The following KLHL28 variants were observed in gnomAD, a reference collection of about 807,000 sequenced individuals.
KLHL28 encodes the protein kelch like family member 28, also known as kelch-like protein 28.
A neutral mutation model predicts 48.3 loss-of-function variants in KLHL28; 22 were observed. The ratio of observed to expected loss-of-function variants is 0.46; its 90% CI spans 0.33 to 0.65. KLHL28 has a LOEUF of 0.65. Ranked by LOEUF, KLHL28 falls within the 30% of genes least tolerant of loss-of-function variation. KLHL28 has a pLI of 0.03. For missense variants in KLHL28, 527 were observed against 704.3 expected, an observed-to-expected ratio of 0.75 and a Z score of 2.85; for synonymous variants, 243 against 242.4, an observed-to-expected ratio of 1.00 and a Z score of -0.02.
chr14:44,954,096 T>G (rs1013702537), intron 1 of KLHL28, among the ~76,000 whole-genome samples: 4 of 152,120 alleles, frequency 2.6e-5, no homozygotes, highest in Non-Finnish European at 5.9e-5. Context: ...TCAAATAAAT[T>G]AATACATGGA....
rs2138568623 is a variant in KLHL28, at chr14:44,926,366, T to G, written c.*2662A>C. On this transcript the variant is annotated 3_prime_UTR_variant, in exon 5 of 5. Transcript: ENST00000396128. ...CATTTAGTCTTCATCAAGATGAAAT[T>G]TAGATTTTTCAAAAACAATGACCAG... 6.6e-6 allele frequency: 1 copy of G among 152,318 alleles called. No homozygotes were observed. The highest frequency in any genetic ancestry group is 1.9e-4 in the East Asian group (1 of 5,194). 9.4% of individuals were successfully genotyped at this position (152,318 alleles called of 1,614,324 possible).
intron 3 of KLHL28, among the ~76,000 whole-genome samples, chr14:44,932,705 T>C (rs752068518): frequency 8.6e-5 from 13 of 152,040 alleles, no homozygotes; most frequent in Non-Finnish European, 1.5e-4. Flanking sequence ...TGAAGAAGAG[T>C]TGATGCACTG....
chr14:44,934,631 A>G (rs1293911154), intron 2 of KLHL28, 73 bp from the exon 3 acceptor site: 20 of 1,142,400 alleles, frequency 1.8e-5, no homozygotes, highest in Non-Finnish European at 2.3e-5. Flanking sequence ...GTTTAATCTT[A>G]TTAGTAATCA....
intron 2 of KLHL28, among the ~76,000 whole-genome samples, chr14:44,940,015 T>C (rs1884002645): frequency 6.6e-6 from 1 of 152,214 alleles, no homozygotes; most frequent in Non-Finnish European, 1.5e-5. Context: ...TTTATTTGGC[T>C]TTCAGTTTTG....
rs1227149560 is a variant in KLHL28 at position 44,925,411 on chromosome 14, G to A, written c.*3617C>T. Reference sequence around the variant, plus strand: ...ATTATCCAATTCTAGGAGATTTGGAGTTCTATAAATATTAGGTTTTTTAAT... The same window carrying A: ...ATTATCCAATTCTAGGAGATTTGGAATTCTATAAATATTAGGTTTTTTAAT... On this transcript the variant is annotated 3_prime_UTR_variant, in exon 5 of 5. Coordinates refer to ENST00000396128, the MANE Select transcript of KLHL28 (RefSeq NM_017658.5). 2 of 152,046 alleles carry A rather than the reference G, an allele frequency of 1.3e-5. No individual in the cohort carries two copies. Among genetic ancestry groups the A allele is most frequent in the Non-Finnish European group, 2.9e-5 (2 of 67,940 alleles). 9.4% of individuals were successfully genotyped at this position (152,046 alleles called of 1,614,324 possible). A position where few individuals can be genotyped will look rare whatever the true frequency, so the allele number is the denominator to read the frequency against.
At chr14:44,941,520 C>G (rs1884083803) in intron 2 of KLHL28, among the ~76,000 whole-genome samples, 1 of 150,546 alleles carries the variant, frequency 6.6e-6, no homozygotes, top group Non-Finnish European at 1.5e-5. Context: ...CCCAGCTACT[C>G]GGGAGGCTGA....
intron 2 of KLHL28, among the ~76,000 whole-genome samples, chr14:44,944,760 A>G (rs931835813): frequency 2.0e-5 from 3 of 152,298 alleles, no homozygotes; most frequent in African/African-American, 7.2e-5. Context: ...AAAAGAAAGA[A>G]AGAGAGAAAA....
intron 4 of KLHL28, among the ~76,000 whole-genome samples, chr14:44,931,083 A>C (rs1883565839): frequency 6.6e-6 from 1 of 152,234 alleles, no homozygotes; most frequent in Non-Finnish European, 1.5e-5. Context: ...TAGTATAAGC[A>C]TTTCCCAAAA....
chr14:44,935,908 A>ATATATATATATATATATATATAT (rs1555337914), intron 2 of KLHL28, among the ~76,000 whole-genome samples: 1 of 132,670 alleles, frequency 7.5e-6, no homozygotes, highest in Non-Finnish European at 1.6e-5. Context: ...ATATATCTTT[A>ATATATATATATATATATATATAT]CCCTCCCCCC....
chr14:44,945,740 C>T lies in KLHL28; in HGVS notation c.189G>A (p.Met63Ile). 6.2e-7 allele frequency: 1 copy of T among 1,614,120 alleles called. No homozygotes were observed. Among genetic ancestry groups the T allele is most frequent in the East Asian group, 2.2e-5 (1 of 44,874 alleles). The change falls in exon 2 of 5, where the codon ATG (methionine) becomes ATA (isoleucine). Residue 63 changes from methionine (M) to isoleucine (I), a missense_variant. By Grantham distance (10) the Met-to-Ile change is conservative. Transcript: ENST00000396128. ...CTTTTTCAGAAAGGTTTCCAGTGAA[C>T]ATAGCTTTGAAATACGGGCTGACGC... ...LASVSPYFKA[M>I]FTGNLSEKEN...
intron 1 of KLHL28, among the ~76,000 whole-genome samples, chr14:44,949,871 A>G (rs764785667): frequency 2.6e-5 from 4 of 152,152 alleles, no homozygotes; most frequent in Non-Finnish European, 5.9e-5. Context: ...TAACAGAACT[A>G]TAATATACAG....
At chr14:44,955,403 G>A (rs2138666388) in intron 1 of KLHL28, among the ~76,000 whole-genome samples, 1 of 152,234 alleles carries the variant, frequency 6.6e-6, no homozygotes, top group Non-Finnish European at 1.5e-5. Context: ...GCATTCAGAT[G>A]TACTCTCTAA....
rs1256965909 is a variant in KLHL28 at position 44,924,883 on chromosome 14, A to AT, written c.*4144dup. On this transcript the variant is annotated 3_prime_UTR_variant, in exon 5 of 5. Transcript: ENST00000396128. ...TTCTCTCTGCAGAGATGTAAACTGG[A>AT]TTTTTATTTGACTCCATATTCACAC... is the stretch of plus-strand genomic sequence containing the variant. 6.6e-6 allele frequency: 1 copy of AT among 152,586 alleles called. No individual in the cohort carries two copies. Among genetic ancestry groups the AT allele is most frequent in the African/African-American group, 2.4e-5 (1 of 41,454 alleles). 9.5% of individuals were successfully genotyped at this position (152,586 alleles called of 1,614,324 possible). A position where few individuals can be genotyped will look rare whatever the true frequency, so the allele number is the denominator to read the frequency against.
intron 1 of KLHL28, among the ~76,000 whole-genome samples, chr14:44,959,109 G>A (rs1258943736): frequency 1.3e-5 from 2 of 151,682 alleles, no homozygotes; most frequent in East Asian, 1.9e-4. Flanking sequence ...ATAATCAAAT[G>A]ATATATAATA....
In KLHL28 at chr14:44,949,818, G is replaced by A. The variant is rs139700181; in HGVS notation, c.1-3890C>T. ...AACAGGTTTAGGGATTTTAATTGCA[G>A]TACTATTTTAACACCATAAACTTAT... On this transcript the variant is annotated intron_variant, in intron 1 of 4. Coordinates refer to ENST00000396128, the MANE Select transcript of KLHL28 (RefSeq NM_017658.5). 1.7e-3 allele frequency among the ~76,000 whole-genome samples: 252 copies of A among 152,236 alleles called. 1 individual carries two copies. Among genetic ancestry groups the A allele is most frequent in the Non-Finnish European group, 2.0e-3 (136 of 67,982 alleles).
chr14:44,928,755 T>A lies in KLHL28; in HGVS notation c.*273A>T, dbSNP rs762651162. The stretch of plus-strand genomic sequence containing the variant: ...CACTTATGAACATAAAACTAGTACA[T>A]CTCAGTCTTGGGGGAAAAAGTGCAG... On this transcript the variant is annotated 3_prime_UTR_variant, in exon 5 of 5. Transcript: ENST00000396128. 1.5e-4 allele frequency: 34 copies of A among 229,720 alleles called. No individual in the cohort carries two copies. The highest frequency in any genetic ancestry group is 2.4e-4 in the Non-Finnish European group (28 of 118,482). 14.2% of individuals were successfully genotyped at this position (229,720 alleles called of 1,614,324 possible).
chr14:44,928,057 C>T lies in KLHL28; in HGVS notation c.*971G>A, dbSNP rs935158977. ...GTCATGCATATCTCATACTGAACAT[C>T]CAAAAGGACATCAGTTATAGCCTTG... On this transcript the variant is annotated 3_prime_UTR_variant, in exon 5 of 5. Coordinates refer to ENST00000396128, the MANE Select transcript of KLHL28 (RefSeq NM_017658.5). The T allele has an allele frequency of 5.9e-5, 9 of 152,606 alleles. No individual in the cohort carries two copies. In the East Asian group the frequency reaches 1.5e-3, roughly 26 times the overall value. 9.5% of individuals were successfully genotyped at this position (152,606 alleles called of 1,614,324 possible). A position where few individuals can be genotyped will look rare whatever the true frequency, so the allele number is the denominator to read the frequency against.
chr14:44,940,661 G>C (rs921578189), intron 2 of KLHL28, among the ~76,000 whole-genome samples: 1 of 151,974 alleles, frequency 6.6e-6, no homozygotes, highest in Admixed American at 6.6e-5. Flanking sequence ...CAACCCCCCC[G>C]CCAGCCAGTA....
At position 44,928,797 on chromosome 14, in the gene KLHL28, T is replaced by A; in HGVS notation, c.*231A>T. 2 of 349,818 alleles carry A rather than the reference T, an allele frequency of 5.7e-6. No individual in the cohort carries two copies. Among genetic ancestry groups the A allele is most frequent in the South Asian group, 6.1e-5 (1 of 16,436 alleles). The allele number at this position is 349,818 out of a possible 1,614,324, so 21.7% of individuals were successfully genotyped here. A position where few individuals can be genotyped will look rare whatever the true frequency, so the allele number is the denominator to read the frequency against. ...AAAGTGCAGAATTCAATTGGCAAAG[T>A]CTTTACTTTTTTTTTTTCTCTTTTT... On this transcript the variant is annotated 3_prime_UTR_variant, in exon 5 of 5. Transcript: ENST00000396128.
Sources: allele counts gnomAD v4.1 joint callset (sites outside exome capture counted in the v4.1 genomes callset), GRCh38; gene constraint gnomAD v4.1.1; transcripts MANE v1.5; gene names NCBI Gene and HGNC (gene_info 2026-07-23, HGNC 2026-07-21).